CACNA1C: variants seen among roughly 807,000 people sequenced by gnomAD.
The protein encoded by CACNA1C is voltage-dependent L-type calcium channel subunit alpha-1C.
A neutral mutation model predicts 229.0 loss-of-function variants in CACNA1C; 30 were observed. The ratio of observed to expected loss-of-function variants is 0.13; its 90% CI spans 0.10 to 0.18. CACNA1C has a LOEUF of 0.18. Among genes scored for constraint, CACNA1C ranks in the 10% least tolerant of loss-of-function variants. The pLI, the probability that CACNA1C is intolerant of heterozygous loss-of-function variation, is 1.00. For synonymous variants in CACNA1C, 1,114 were observed against 1,132.5 expected, an observed-to-expected ratio of 0.98 and a Z score of 0.33; for missense variants, 1,658 against 2,845.0, an observed-to-expected ratio of 0.58 and a Z score of 9.49.
intron 5 of CACNA1C, among the ~76,000 whole-genome samples, chr12:2,460,565 C>T (rs998081409): frequency 2.0e-5 from 3 of 152,156 alleles, no homozygotes; most frequent in African/African-American, 4.8e-5. Context: ...TTCCCGAGGA[C>T]GGAGCCCTGT....
chr12:2,668,829 TG>T, intron 37 of CACNA1C, 103 bp from the exon 38 acceptor site: 1 of 738,262 alleles, frequency 1.4e-6, no homozygotes, highest in Non-Finnish European at 2.4e-6. Flanking sequence ...ACATGAGATT[TG>T]GGCGAGGACA....
chr12:2,110,926 C>A (rs984700627), intron 1 of CACNA1C, among the ~76,000 whole-genome samples: 1 of 152,184 alleles, frequency 6.6e-6, no homozygotes, highest in African/African-American at 2.4e-5. Context: ...TGGTCAGTCC[C>A]GAGAGGCCAT....
rs981990473 is a variant in CACNA1C at position 2,136,798 on chromosome 12, T to C, written c.477+16368T>C. Among the ~76,000 whole-genome samples, 7 of 151,362 alleles carry C rather than the reference T, an allele frequency of 4.6e-5. No individual in the cohort carries two copies. In the East Asian group the frequency reaches 1.2e-3, roughly 25 times the overall value. On this transcript the variant is annotated intron_variant, in intron 3 of 46. Coordinates refer to ENST00000399655, the MANE Select transcript of CACNA1C (RefSeq NM_000719.7). ...CCATATTTTCCCAGGGATCAGTGAT[T>C]CATATTACCTGAGATCCTCAACCAA...
intron 19 of CACNA1C, among the ~76,000 whole-genome samples, chr12:2,593,688 T>G (rs887612997): frequency 6.6e-6 from 1 of 152,252 alleles, no homozygotes; most frequent in African/African-American, 2.4e-5. Flanking sequence ...TTTAACTCAC[T>G]CATCTGCTCC....
At chr12:2,411,256 A>G (rs368690650) in intron 3 of CACNA1C, among the ~76,000 whole-genome samples, 60 of 152,152 alleles carry the variant, frequency 3.9e-4, no homozygotes, top group Non-Finnish European at 6.5e-4. Flanking sequence ...GAGAGCTGCA[A>G]TGAAGGCAGG....
chr12:2,084,079 C>G (rs1426006035), intron 1 of CACNA1C, among the ~76,000 whole-genome samples: 1 of 152,182 alleles, frequency 6.6e-6, no homozygotes, highest in African/African-American at 2.4e-5. Context: ...AATGTCTCTT[C>G]TTTTGTGTGA....
At chr12:2,480,197 A>T (rs10400430) in intron 5 of CACNA1C, among the ~76,000 whole-genome samples, 4,897 of 152,260 alleles carry the variant, frequency 0.032, 282 homozygotes, top group African/African-American at 0.11. Context: ...CAGGAGGAGC[A>T]TGGGGCTGAC....
chr12:2,569,815 G>A (rs1039574934), intron 13 of CACNA1C, among the ~76,000 whole-genome samples: 20 of 152,070 alleles, frequency 1.3e-4, no homozygotes, highest in Non-Finnish European at 2.9e-4. Context: ...ACCTCGGAGT[G>A]GAATTTCTAG....
chr12:1,998,246 C>G (rs192949853), intron 1 of CACNA1C, among the ~76,000 whole-genome samples: 1 of 152,206 alleles, frequency 6.6e-6, no homozygotes, highest in East Asian at 1.9e-4. Flanking sequence ...AGCAGCATAC[C>G]CTTAGCTGAA....
chr12:2,120,864 T>C (rs1321158674), intron 3 of CACNA1C, among the ~76,000 whole-genome samples: 1 of 152,110 alleles, frequency 6.6e-6, no homozygotes, highest in Non-Finnish European at 1.5e-5. Flanking sequence ...GCACGATAAA[T>C]AATTTCTAGG....
At chr12:2,340,674 C>T (rs1004534957) in intron 3 of CACNA1C, among the ~76,000 whole-genome samples, 2 of 152,198 alleles carry the variant, frequency 1.3e-5, no homozygotes, top group Non-Finnish European at 2.9e-5. Flanking sequence ...AAAAAAGACA[C>T]TGGCTGGGTG....
chr12:2,206,966 T>G (rs2097772572), intron 3 of CACNA1C, among the ~76,000 whole-genome samples: 1 of 152,248 alleles, frequency 6.6e-6, no homozygotes. Flanking sequence ...CCAAATGCAA[T>G]ATAACATTTT....
intron 3 of CACNA1C, among the ~76,000 whole-genome samples, chr12:2,430,798 A>G (rs1430812701): frequency 6.6e-6 from 1 of 152,042 alleles, no homozygotes; most frequent in Non-Finnish European, 1.5e-5. Context: ...AGTCCTCAAC[A>G]TGAAGCTGGG....
chr12:1,989,688 G>A (rs753826716), intron 1 of CACNA1C, among the ~76,000 whole-genome samples: 1 of 152,170 alleles, frequency 6.6e-6, no homozygotes, highest in Non-Finnish European at 1.5e-5. Flanking sequence ...ACTCCAGCCT[G>A]GACAAATAGA....
intron 3 of CACNA1C, among the ~76,000 whole-genome samples, chr12:2,125,754 A>G (rs1220306185): frequency 2.0e-5 from 3 of 152,110 alleles, no homozygotes; most frequent in Non-Finnish European, 2.9e-5. Context: ...GTGACCTAGA[A>G]TGTTCCTCAT....
chr12:2,511,718 C>T (rs1432050474), intron 8 of CACNA1C, among the ~76,000 whole-genome samples: 6 of 152,168 alleles, frequency 3.9e-5, no homozygotes, highest in Admixed American at 2.6e-4. Flanking sequence ...TGAGAATTCA[C>T]TTTGTTGATG....
chr12:2,564,761 CTG>C (rs1173850913), intron 11 of CACNA1C, among the ~76,000 whole-genome samples: 1 of 152,188 alleles, frequency 6.6e-6, no homozygotes, highest in African/African-American at 2.4e-5. Context: ...GCTGCCAGCT[CTG>C]TGTCATCTTT....
chr12:1,978,787 A>T (rs1249192857), intron 1 of CACNA1C, among the ~76,000 whole-genome samples: 1 of 152,224 alleles, frequency 6.6e-6, no homozygotes. Context: ...ATGGGGTCGT[A>T]CAGTATATCC....
At position 2,692,356 on chromosome 12, in the gene CACNA1C, A is replaced by T. The variant is rs1162522743; in HGVS notation, c.*1157A>T. 2 of 152,338 alleles carry T rather than the reference A, an allele frequency of 1.3e-5. No homozygotes were observed. The highest frequency in any genetic ancestry group is 2.4e-5 in the African/African-American group (1 of 41,414). 9.4% of individuals were successfully genotyped at this position (152,338 alleles called of 1,614,324 possible). ...TGGGAGAGAGGAGCATGCGCGAGAGAGTCTCCGAGTGTGTGCGACGCGTGT... is the reference window on the plus strand; with the variant it reads ...TGGGAGAGAGGAGCATGCGCGAGAGTGTCTCCGAGTGTGTGCGACGCGTGT... On this transcript the variant is annotated 3_prime_UTR_variant, in exon 47 of 47. Coordinates refer to ENST00000399655, the MANE Select transcript of CACNA1C (RefSeq NM_000719.7).
Sources: gnomAD v4.1 joint callset for allele counts (sites outside exome capture counted in the v4.1 genomes callset) on GRCh38, gnomAD v4.1.1 for gene constraint, MANE v1.5 for transcripts, NCBI Gene and HGNC (gene_info 2026-07-23, HGNC 2026-07-21) for gene names.